The following RALY variants were observed in gnomAD, a reference collection of about 807,000 sequenced individuals.
RALY encodes the protein RALY heterogeneous nuclear ribonucleoprotein, also known as RNA-binding protein Raly.
Under a neutral mutation model 30.7 loss-of-function variants are expected in RALY, and 15 were observed. The observed-to-expected ratio is 0.49, with a 90% CI of 0.33 to 0.75. The LOEUF is 0.75. Ranked by LOEUF, RALY falls within the 30% of genes least tolerant of loss-of-function variation. The pLI, the probability that RALY is intolerant of heterozygous loss-of-function variation, is 0.02. For missense variants in RALY, 339 were observed against 414.3 expected (o/e 0.82, Z 1.58); for synonymous variants, 177 against 170.8 (o/e 1.04, Z -0.28).
chr20:34,026,374 T>TTTTTTTTA (rs1555802919), intron 1 of RALY, among the ~76,000 whole-genome samples: 12 of 142,452 alleles, frequency 8.4e-5, no homozygotes, highest in African/African-American at 1.3e-4. Flanking sequence ...ACCTCAGACA[T>TTTTTTTTA]TTTATTTATT....
rs1379070381 is a variant in RALY, at chr20:34,003,712, T to G, written c.-93+9581T>G. ...TGGAGTGCAGTGGCGGGATCTCGGC[T>G]CACTGCAAGCTCCGCCTCCCGGGTT... On this transcript the variant is annotated intron_variant, in intron 1 of 9. Coordinates refer to ENST00000246194, the MANE Select transcript of RALY (RefSeq NM_016732.3). Among the ~76,000 whole-genome samples, 4 of 143,922 alleles carry G rather than the reference T, an allele frequency of 2.8e-5. No individual in the cohort carries two copies. In the East Asian group the frequency reaches 8.2e-4, roughly 30 times the overall value. 94.4% of individuals were successfully genotyped at this position (143,922 alleles called of 152,430 possible). A position where few individuals can be genotyped will look rare whatever the true frequency, so the allele number is the denominator to read the frequency against.
chr20:34,027,626 A>C (rs575420403), intron 1 of RALY, among the ~76,000 whole-genome samples: 20 of 152,320 alleles, frequency 1.3e-4, no homozygotes, highest in Middle Eastern at 6.8e-3. Flanking sequence ...CCAAGTGCCT[A>C]AGGATAAGGA....
chr20:34,034,881 G>T (rs1047721674), intron 2 of RALY, among the ~76,000 whole-genome samples: 4 of 152,072 alleles, frequency 2.6e-5, no homozygotes, highest in South Asian at 2.1e-4. Context: ...GGCCGGGTGC[G>T]GTGGCTCACG....
chr20:34,038,214 A>G (rs1443684410), intron 2 of RALY, among the ~76,000 whole-genome samples: 1 of 152,220 alleles, frequency 6.6e-6, no homozygotes, highest in Non-Finnish European at 1.5e-5. Flanking sequence ...AGAGCAGAAG[A>G]ACAGCCAAAC....
At chr20:34,002,641 C>T (rs1338284030) in intron 1 of RALY, among the ~76,000 whole-genome samples, 2 of 152,150 alleles carry the variant, frequency 1.3e-5, no homozygotes, top group African/African-American at 2.4e-5. Flanking sequence ...TCCCTTCTCT[C>T]CCTTCTGTTT....
intron 1 of RALY, among the ~76,000 whole-genome samples, chr20:34,025,299 C>G (rs1360920226): frequency 1.4e-5 from 1 of 72,004 alleles, no homozygotes; most frequent in Non-Finnish European, 2.7e-5. Context: ...ACACGTCTCT[C>G]TCTCTCTCTC....
chr20:34,022,074 TTTTCTTTC>T (rs1206927615), intron 1 of RALY, among the ~76,000 whole-genome samples: 8 of 149,720 alleles, frequency 5.3e-5, no homozygotes, highest in Non-Finnish European at 1.2e-4. Flanking sequence ...TTCTTTCCTT[TTTTCTTTC>T]TTTCTTTCTT....
In RALY at chr20:34,072,233, G is replaced by A; in HGVS notation, c.159G>A (p.Val53=). ...SKYGRVAGCS[V]HKGYAFVQYS... is the part of the protein sequence containing the mutation. ...ATGGCCGTGTGGCCGGCTGTTCTGT[G>A]CACAAGGGCTATGCCTTTGTTCAGT... is the stretch of plus-strand genomic sequence containing the variant. The change falls in exon 3 of 10, where the codon GTG becomes GTA. Residue 53 remains valine, a synonymous_variant. Transcript: ENST00000246194. 6.2e-7 allele frequency: 1 copy of A among 1,614,244 alleles called. No homozygotes were observed. The highest frequency in any genetic ancestry group is 8.5e-7 in the Non-Finnish European group (1 of 1,180,046).
In RALY at chr20:34,081,997, G is replaced by T; in HGVS notation, c.*2092G>T. The T allele has an allele frequency of 6.6e-6, 1 of 152,508 alleles. No individual in the cohort carries two copies. The allele number at this position is 152,508 out of a possible 1,614,324, so 9.4% of individuals were successfully genotyped here. On this transcript the variant is annotated 3_prime_UTR_variant, in exon 10 of 10. Transcript: ENST00000246194. ...CCTGAGGCCATGAGATGCAGGCATG[G>T]GGTGAGAAACAGGCCCCTTGGAATT...
intron 2 of RALY, among the ~76,000 whole-genome samples, chr20:34,044,046 G>A (rs944051779): frequency 3.3e-5 from 5 of 151,966 alleles, no homozygotes; most frequent in African/African-American, 1.2e-4. Context: ...TAACTTCCAA[G>A]CAGAAAGACC....
In RALY at chr20:34,011,948, C is replaced by T. The variant is rs570602630; in HGVS notation, c.-93+17817C>T. Among the ~76,000 whole-genome samples, 10 of 152,270 alleles carry T rather than the reference C, an allele frequency of 6.6e-5. No individual in the cohort carries two copies. In the South Asian group the frequency reaches 2.1e-3, roughly 32 times the overall value. ...GGGTGTAGTGGCGCACGCCTGTAGT[C>T]CCAGCTACTTGGGAGGCTTAGGCAT... On this transcript the variant is annotated intron_variant, in intron 1 of 9. Coordinates refer to ENST00000246194, the MANE Select transcript of RALY (RefSeq NM_016732.3).
chr20:34,020,484 A>G (rs1353002441), intron 1 of RALY, among the ~76,000 whole-genome samples: 1 of 152,212 alleles, frequency 6.6e-6, no homozygotes, highest in Non-Finnish European at 1.5e-5. Context: ...ATAAGGGTAG[A>G]GTTTAAACCA....
intron 2 of RALY, among the ~76,000 whole-genome samples, chr20:34,062,779 A>G (rs2033455473): frequency 6.6e-6 from 1 of 152,270 alleles, no homozygotes; most frequent in Admixed American, 6.5e-5. Context: ...TTTACAGAAC[A>G]GAATAGCTAT....
chr20:34,071,616 C>T (rs2033730538), intron 2 of RALY, among the ~76,000 whole-genome samples: 1 of 152,090 alleles, frequency 6.6e-6, no homozygotes, highest in Non-Finnish European at 1.5e-5. Flanking sequence ...CTAGAGTAAA[C>T]ATCACTTGCA....
intron 1 of RALY, among the ~76,000 whole-genome samples, chr20:34,015,563 C>T (rs1406276424): frequency 6.6e-6 from 1 of 151,894 alleles, no homozygotes; most frequent in Non-Finnish European, 1.5e-5. Context: ...TCTCATCTGT[C>T]TCTTGTGTTT....
intron 1 of RALY, among the ~76,000 whole-genome samples, chr20:34,004,407 G>T (rs2031066511): frequency 6.6e-6 from 1 of 152,182 alleles, no homozygotes; most frequent in Non-Finnish European, 1.5e-5. Context: ...CTCAACCGAT[G>T]TGCTTCCCTT....
intron 2 of RALY, among the ~76,000 whole-genome samples, chr20:34,070,362 T>C (rs2033691852): frequency 6.6e-6 from 1 of 152,154 alleles, no homozygotes; most frequent in African/African-American, 2.4e-5. Flanking sequence ...GCTTCTCTCC[T>C]TTCCCCTTTC....
chr20:34,027,755 A>G lies in RALY; in HGVS notation c.-92-3767A>G, dbSNP rs540484573. Among the ~76,000 whole-genome samples the G allele has an allele frequency of 3.3e-5, 5 of 152,360 alleles. No homozygotes were observed. The South Asian group carries it at 1.0e-3, about 32-fold the overall frequency. On this transcript the variant is annotated intron_variant, in intron 1 of 9. Transcript: ENST00000246194. Reference sequence around the variant, plus strand: ...TTTTGACTAATTAGATAGAAGGTTCATGTATGTACTCTGTTATTCAGCTTA... The same window carrying G: ...TTTTGACTAATTAGATAGAAGGTTCGTGTATGTACTCTGTTATTCAGCTTA...
intron 2 of RALY, among the ~76,000 whole-genome samples, chr20:34,048,422 G>A (rs541362057): frequency 3.3e-5 from 5 of 152,152 alleles, no homozygotes; most frequent in Non-Finnish European, 7.3e-5. Context: ...TTTAACAATG[G>A]AGGGACCTTC....
Sources: allele counts gnomAD v4.1 joint callset (sites outside exome capture counted in the v4.1 genomes callset), GRCh38; gene constraint gnomAD v4.1.1; transcripts MANE v1.5; gene names NCBI Gene and HGNC (gene_info 2026-07-23, HGNC 2026-07-21).